The following POTEB3 variants were observed in gnomAD, a reference collection of about 807,000 sequenced individuals.
POTEB3 encodes ANKRD26-like family B member 1.
A neutral mutation model predicts 39.8 loss-of-function variants in POTEB3; 5 were observed. The observed-to-expected ratio is 0.13, with a 90% CI of 0.07 to 0.26. The LOEUF (loss-of-function observed/expected upper bound fraction) is 0.26. POTEB3 is among the 10% of genes least tolerant of loss of function. The pLI is 1.00. For missense variants in POTEB3, 24 were observed against 475.6 expected (o/e 0.05, Z 8.83); for synonymous variants, 5 against 161.5 (o/e 0.03, Z 7.35).
In POTEB3 at chr15:21,419,602, CT is replaced by C. The variant is rs1472768667; in HGVS notation, c.1270del (p.Ser424ValfsTer10). 6.5e-6 allele frequency: 6 copies of C among 926,616 alleles called. No individual in the cohort carries two copies. The African/African-American group carries it at 1.9e-4, about 29-fold the overall frequency. 57.4% of individuals were successfully genotyped at this position (926,616 alleles called of 1,614,324 possible). ...GTTTTCTGGTAATCCCACAGGATTACTTCCATGCTTCTTTATTTCTTCTTCA... is the reference window on the plus strand; with the variant it reads ...GTTTTCTGGTAATCCCACAGGATTACTCCATGCTTCTTTATTTCTTCTTCA... ...EVEEEIKKHG[S>X]NPVGLPENLT... On this transcript the variant is annotated frameshift_variant, in exon 9 of 11. Transcript: ENST00000611217. LOFTEE classifies it high-confidence loss of function.
chr15:21,423,139 T>C (rs1405162915), intron 6 of POTEB3, among the ~76,000 whole-genome samples: 1 of 142,346 alleles, frequency 7.0e-6, no homozygotes, highest in Non-Finnish European at 1.6e-5. Context: ...TCTTGCTCTG[T>C]CACCAGGCTG....
At chr15:21,433,753 T>C (rs1190806472) in intron 3 of POTEB3, among the ~76,000 whole-genome samples, 2 of 150,508 alleles carry the variant, frequency 1.3e-5, no homozygotes, top group South Asian at 4.2e-4. Context: ...CAAGACATTC[T>C]AGAATTGAAA....
rs1390719984 is a variant in POTEB3 at position 21,419,786 on chromosome 15, A to G, written c.1243-156T>C. Among the ~76,000 whole-genome samples the G allele has an allele frequency of 4.3e-5, 6 of 137,994 alleles. 1 individual carries two copies. In the South Asian group the frequency reaches 6.6e-4, roughly 15 times the overall value. 90.5% of individuals were successfully genotyped at this position (137,994 alleles called of 152,430 possible). ...ATCATATATACAGAACTATAACCGT[A>G]TAATTTTAAGATGTAATTATCATGT... On this transcript the variant is annotated intron_variant, in intron 8 of 10. Transcript: ENST00000611217.
intron 3 of POTEB3, among the ~76,000 whole-genome samples, chr15:21,433,623 G>A (rs1331389299): frequency 6.7e-6 from 1 of 149,610 alleles, no homozygotes; most frequent in African/African-American, 2.5e-5. Flanking sequence ...GAGTAGGAGA[G>A]AGACTCATTT....
rs1431613372 is a variant in POTEB3, at chr15:21,440,188, A to C, written c.-177T>G. 1.3e-6 allele frequency: 1 copy of C among 770,576 alleles called. No individual in the cohort carries two copies. The highest frequency in any genetic ancestry group is 2.8e-5 in the East Asian group (1 of 35,568). The allele number at this position is 770,576 out of a possible 1,614,324, so 47.7% of individuals were successfully genotyped here. On this transcript the variant is annotated 5_prime_UTR_variant, in exon 1 of 11. Transcript: ENST00000611217. ...AGCCCACCCCACCCAGGGAAAACCC[A>C]CACCCACCCGGGGAAAGCCCACGCC...
At chr15:21,434,141 A>G (rs1187296728) in intron 3 of POTEB3, among the ~76,000 whole-genome samples, 1 of 142,568 alleles carries the variant, frequency 7.0e-6, no homozygotes, top group African/African-American at 2.7e-5. Context: ...TGGCCTTGGT[A>G]TTTCTGATTG....
At chr15:21,433,785 G>T (rs1899071462) in intron 3 of POTEB3, among the ~76,000 whole-genome samples, 2 of 151,026 alleles carry the variant, frequency 1.3e-5, no homozygotes, top group African/African-American at 4.9e-5. Flanking sequence ...ACTCTAATTG[G>T]CCATTTCTAC....
intron 8 of POTEB3, among the ~76,000 whole-genome samples, 153 bp from the exon 9 acceptor site, chr15:21,419,783 C>A (rs2626239): frequency 2.2e-5 from 3 of 136,840 alleles, no homozygotes; most frequent in Non-Finnish European, 4.7e-5. Context: ...GAACTATAAC[C>A]GTATAATTTT....
intron 3 of POTEB3, among the ~76,000 whole-genome samples, chr15:21,434,068 C>T (rs58126066): frequency 7.6e-6 from 1 of 131,368 alleles, no homozygotes; most frequent in Non-Finnish European, 1.6e-5. Flanking sequence ...CACACACAAA[C>T]AAAAACAAAA....
rs1442616116 is a variant in POTEB3, at chr15:21,405,758, G to A, written c.*3225C>T. The stretch of plus-strand genomic sequence containing the variant: ...TTCACTTATGATGCTTAATTTTGCT[G>A]GACATGAAATTCCGGGTTGAAATTT... On this transcript the variant is annotated 3_prime_UTR_variant, in exon 11 of 11. Coordinates refer to ENST00000611217, the MANE Select transcript of POTEB3 (RefSeq NM_207355.5). Among the ~76,000 whole-genome samples the A allele has an allele frequency of 2.4e-5, 2 of 83,346 alleles. 1 individual carries two copies. The highest frequency in any genetic ancestry group is 2.3e-4 in the African/African-American group (2 of 8,610). 54.7% of individuals were successfully genotyped at this position (83,346 alleles called of 152,430 possible).
intron 1 of POTEB3, among the ~76,000 whole-genome samples, chr15:21,436,147 TCAAC>T (rs1899127453): frequency 1.5e-5 from 1 of 68,086 alleles, no homozygotes; most frequent in African/African-American, 5.0e-5. Flanking sequence ...GGAGCTTTTT[TCAAC>T]TTTTACATTC....
At chr15:21,427,305 CTAGATACTCAT>C (rs2141360657) in intron 6 of POTEB3, among the ~76,000 whole-genome samples, 1 of 132,364 alleles carries the variant, frequency 7.6e-6, no homozygotes, top group African/African-American at 3.0e-5. Context: ...AGTGATAGCA[CTAGATACTCAT>C]TGGAGCATGA....
At position 21,407,950 on chromosome 15, in the gene POTEB3, C is replaced by T. The variant is rs1416161425; in HGVS notation, c.*1033G>A. Among the ~76,000 whole-genome samples the T allele has an allele frequency of 1.3e-5, 1 of 74,804 alleles. No individual in the cohort carries two copies. The highest frequency in any genetic ancestry group is 3.7e-4 in the East Asian group (1 of 2,684). 49.1% of individuals were successfully genotyped at this position (74,804 alleles called of 152,430 possible). A position where few individuals can be genotyped will look rare whatever the true frequency, so the allele number is the denominator to read the frequency against. ...TGTCCCTGCCCTCCAGGCTCCACAT[C>T]AGCTGACTTGCTGCTCCACCACTTT... On this transcript the variant is annotated 3_prime_UTR_variant, in exon 11 of 11. Coordinates refer to ENST00000611217, the MANE Select transcript of POTEB3 (RefSeq NM_207355.5).
At chr15:21,431,901 C>CA (rs1898994674) in intron 3 of POTEB3, 56 bp from the exon 4 acceptor site, 1 of 1,533,248 alleles carries the variant, frequency 6.5e-7, no homozygotes, top group Non-Finnish European at 8.9e-7. Context: ...ATGTATCTCT[C>CA]AACTGAACTG....
chr15:21,430,928 C>T (rs1245175293), intron 4 of POTEB3, among the ~76,000 whole-genome samples: 1 of 151,842 alleles, frequency 6.6e-6, no homozygotes. Context: ...TTATGCACAG[C>T]CAACTTTGAA....
intron 10 of POTEB3, 100 bp downstream of exon 10, chr15:21,410,778 T>A: frequency 2.8e-6 from 2 of 715,604 alleles, no homozygotes. Context: ...CACACACGTG[T>A]GTATATATAT....
chr15:21,434,425 C>T (rs2664969), intron 3 of POTEB3, among the ~76,000 whole-genome samples: 3 of 70,316 alleles, frequency 4.3e-5, no homozygotes, highest in East Asian at 3.4e-4. Flanking sequence ...TTACAAATTC[C>T]GTGTTTTTTT....
At chr15:21,429,344 CA>C (rs1269858116) in intron 5 of POTEB3, among the ~76,000 whole-genome samples, 2 of 150,968 alleles carry the variant, frequency 1.3e-5, no homozygotes, top group South Asian at 2.1e-4. Flanking sequence ...CTCTTTCTGC[CA>C]CATTATTTGA....
chr15:21,433,881 T>A (rs1157070509), intron 3 of POTEB3, among the ~76,000 whole-genome samples: 1 of 151,392 alleles, frequency 6.6e-6, no homozygotes, highest in African/African-American at 2.4e-5. Flanking sequence ...TCACTGCCAA[T>A]CTGGTTCCTC....
Sources: gnomAD v4.1 joint callset for allele counts (sites outside exome capture counted in the v4.1 genomes callset) on GRCh38, gnomAD v4.1.1 for gene constraint, MANE v1.5 for transcripts, NCBI Gene and HGNC (gene_info 2026-07-23, HGNC 2026-07-21) for gene names.